Variants in AKAP13 observed in about 807,000 individuals in gnomAD.
AKAP13 encodes A-kinase anchoring protein 13.
A neutral mutation model predicts 264.5 loss-of-function variants in AKAP13; 80 were observed. The ratio of observed to expected loss-of-function variants is 0.30; its 90% confidence interval spans 0.25 to 0.36. The LOEUF (loss-of-function observed/expected upper bound fraction) is 0.36, where lower values mean the gene tolerates loss of function less well. Ranked by LOEUF, AKAP13 falls within the 10% of genes least tolerant of loss-of-function variation. AKAP13 has a pLI of 1.00. For missense variants in AKAP13, 3,712 were observed against 3,435.2 expected (o/e 1.08, Z -2.01); for synonymous variants, 1,380 against 1,250.2 (o/e 1.10, Z -2.19).
In AKAP13 at chr15:85,673,153, C is replaced by G. The variant is rs1426682787; in HGVS notation, c.5101+3323C>G. On this transcript the variant is annotated intron_variant, in intron 14 of 36. Coordinates refer to ENST00000394518, the MANE Select transcript of AKAP13 (RefSeq NM_007200.5). ...AGAATGTCTTTTGTTGGGTCATTTG[C>G]TAGATTAGAAAAACAGACAAACTTG... 7.9e-5 allele frequency among the ~76,000 whole-genome samples: 12 copies of G among 152,216 alleles called. No individual in the cohort carries two copies. In the East Asian group the frequency reaches 2.3e-3, roughly 29 times the overall value.
At chr15:85,493,836 C>T (rs1337491545) in intron 2 of AKAP13, among the ~76,000 whole-genome samples, 1 of 152,100 alleles carries the variant, frequency 6.6e-6, no homozygotes, top group African/African-American at 2.4e-5. Context: ...AAGAAAAAGC[C>T]AAGCACATGA....
chr15:85,504,899 C>G (rs1486134974), intron 2 of AKAP13, among the ~76,000 whole-genome samples: 1 of 151,970 alleles, frequency 6.6e-6, no homozygotes, highest in Non-Finnish European at 1.5e-5. Flanking sequence ...CGCTCTTGCT[C>G]TCCCTCGCAC....
At chr15:85,483,571 A>T (rs1454192429) in intron 1 of AKAP13, among the ~76,000 whole-genome samples, 4 of 142,586 alleles carry the variant, frequency 2.8e-5, no homozygotes, top group Non-Finnish European at 6.0e-5. Flanking sequence ...GCTTGCAGTG[A>T]GCCGAGATTG....
intron 2 of AKAP13, among the ~76,000 whole-genome samples, chr15:85,499,498 C>G (rs2075982057): frequency 6.6e-6 from 1 of 152,148 alleles, no homozygotes; most frequent in South Asian, 2.1e-4. Context: ...AAGCAGTATT[C>G]TGATGTCAGC....
At chr15:85,673,839 C>G (rs2084063316) in intron 14 of AKAP13, among the ~76,000 whole-genome samples, 1 of 141,226 alleles carries the variant, frequency 7.1e-6, no homozygotes, top group Non-Finnish European at 1.6e-5. Flanking sequence ...GTGCCCGCCA[C>G]CACACCCGGC....
chr15:85,520,598 G>T, intron 2 of AKAP13: 1 of 505,218 alleles, frequency 2.0e-6, no homozygotes, highest in Non-Finnish European at 3.9e-6. Context: ...CAAGATTTTT[G>T]TCTGATTTTA....
At chr15:85,609,665 T>C (rs1188733751) in intron 8 of AKAP13, among the ~76,000 whole-genome samples, 1 of 152,218 alleles carries the variant, frequency 6.6e-6, no homozygotes, top group African/African-American at 2.4e-5. Flanking sequence ...GCATCATCTG[T>C]TTGTATAACC....
At chr15:85,584,454 C>T (rs560609865) in intron 7 of AKAP13, among the ~76,000 whole-genome samples, 54 of 152,214 alleles carry the variant, frequency 3.5e-4, no homozygotes, top group African/African-American at 1.3e-3. Context: ...ACCCTCTTTC[C>T]CCCCAGAAAT....
intron 34 of AKAP13, chr15:85,740,580 A>G (rs138603039): frequency 3.6e-5 from 14 of 385,670 alleles, no homozygotes; most frequent in East Asian, 2.2e-4. Flanking sequence ...ATAAGTTTCT[A>G]TATTCCGTAT....
chr15:85,734,920 A>G, intron 30 of AKAP13, 72 bp from the exon 31 acceptor site: 10 of 1,568,572 alleles, frequency 6.4e-6, no homozygotes, highest in South Asian at 2.4e-5. Flanking sequence ...TGTACGTATC[A>G]TATATACTAT....
chr15:85,731,321 A>C (rs894677300), intron 30 of AKAP13, among the ~76,000 whole-genome samples: 2 of 152,110 alleles, frequency 1.3e-5, no homozygotes, highest in African/African-American at 4.8e-5. Flanking sequence ...TCACTTACTT[A>C]TATATCTTTA....
chr15:85,744,138 G>A, intron 36 of AKAP13: 1 of 365,690 alleles, frequency 2.7e-6, no homozygotes, highest in Non-Finnish European at 5.0e-6. Flanking sequence ...GCCTAGAGTA[G>A]TCATTGGTAA....
At chr15:85,598,341 C>A (rs2079908641) in intron 8 of AKAP13, among the ~76,000 whole-genome samples, 1 of 152,140 alleles carries the variant, frequency 6.6e-6, no homozygotes, top group South Asian at 2.1e-4. Flanking sequence ...ACTTTGTGGG[C>A]AACAGGACAT....
Position 85,649,211 on chromosome 15 carries a change from G to A in AKAP13, c.4374+3257G>A, listed in dbSNP as rs140400662. Among the ~76,000 whole-genome samples the A allele has an allele frequency of 3.6e-4, 55 of 152,306 alleles. 1 individual carries two copies. In the East Asian group the frequency reaches 9.1e-3, roughly 25 times the overall value. ...GTTTTATGCTCTTGAGGAAATAGAG[G>A]CACTGATAGGTAAAGAAATGTATCC... On this transcript the variant is annotated intron_variant, in intron 10 of 36. Coordinates refer to ENST00000394518, the MANE Select transcript of AKAP13 (RefSeq NM_007200.5).
In AKAP13 at chr15:85,581,189, G is replaced by A; in HGVS notation, c.3121G>A (p.Ala1041Thr). Reference sequence around the variant, plus strand: ...CTTGGGGGCAGAGCACAACAGCTCCGCTCTGTTGCCATGTCTGTTGCCAGA... The same window carrying A: ...CTTGGGGGCAGAGCACAACAGCTCCACTCTGTTGCCATGTCTGTTGCCAGA... ...EALGAEHNSS[A>T]LLPCLLPDGS... The change falls in exon 7 of 37, where the codon GCT (alanine) becomes ACT (threonine). Residue 1041 changes from alanine (A) to threonine (T), a missense_variant. Coordinates refer to ENST00000394518, the MANE Select transcript of AKAP13 (RefSeq NM_007200.5). 4 of 1,614,136 alleles carry A rather than the reference G, an allele frequency of 2.5e-6. 1 individual carries two copies. Among genetic ancestry groups the A allele is most frequent in the South Asian group, 1.1e-5 (1 of 91,084 alleles).
At chr15:85,704,063 A>G (rs548852092) in intron 17 of AKAP13, among the ~76,000 whole-genome samples, 2 of 152,152 alleles carry the variant, frequency 1.3e-5, no homozygotes, top group Non-Finnish European at 1.5e-5. Flanking sequence ...GTGCATTTCT[A>G]TCCTTAAAGG....
intron 1 of AKAP13, among the ~76,000 whole-genome samples, chr15:85,433,883 G>T (rs2073136959): frequency 6.6e-6 from 1 of 152,124 alleles, no homozygotes; most frequent in Admixed American, 6.5e-5. Context: ...GGAGGTTGCG[G>T]TGAGCCGAGA....
At position 85,708,153 on chromosome 15, in the gene AKAP13, T is replaced by C; in HGVS notation, c.5532+67T>C. 6.8e-7 allele frequency: 1 copy of C among 1,476,984 alleles called. No homozygotes were observed. The highest frequency in any genetic ancestry group is 9.4e-7 in the Non-Finnish European group (1 of 1,069,222). 91.5% of individuals were successfully genotyped at this position (1,476,984 alleles called of 1,614,324 possible). ...TTAAACCAGCAAAATCCTCGGGAGT[T>C]GGGAGAGTTGAGGTTGTGGTGGATT... On this transcript the variant is annotated intron_variant, in intron 18 of 36. Coordinates refer to ENST00000394518, the MANE Select transcript of AKAP13 (RefSeq NM_007200.5). The surrounding 1 kb of genome is among the most constrained non-coding windows in gnomAD (Gnocchi z 4.3).
At position 85,718,822 on chromosome 15, in the gene AKAP13, C is replaced by G. The variant is rs2087113398; in HGVS notation, c.6002-254C>G. 2.3e-6 allele frequency: 1 copy of G among 439,284 alleles called. No individual in the cohort carries two copies. Among genetic ancestry groups the G allele is most frequent in the African/African-American group, 2.0e-5 (1 of 49,892 alleles). 27.2% of individuals were successfully genotyped at this position (439,284 alleles called of 1,614,324 possible). A position where few individuals can be genotyped will look rare whatever the true frequency, so the allele number is the denominator to read the frequency against. ...GGCTAAAGCAGAAAGATCGCTTGAG[C>G]CCAGGAGGTTGAGGCTGCAATGAGC... is the stretch of plus-strand genomic sequence containing the variant. On this transcript the variant is annotated intron_variant, in intron 22 of 36. Transcript: ENST00000394518. This position sits in a 1 kb window ranked among gnomAD's most constrained non-coding sequence, Gnocchi z 4.9.
Sources: allele counts gnomAD v4.1 joint callset (sites outside exome capture counted in the v4.1 genomes callset), GRCh38; gene constraint gnomAD v4.1.1; non-coding constraint Gnocchi (gnomAD v3.1); transcripts MANE v1.5; gene names NCBI Gene and HGNC (gene_info 2026-07-23, HGNC 2026-07-21).